MAP7: variants seen among roughly 807,000 people sequenced by gnomAD.
The protein encoded by MAP7 is ensconsin.
A neutral mutation model predicts 94.8 loss-of-function variants in MAP7; 52 were observed. That is an observed-to-expected ratio of 0.55 (90% CI 0.44 to 0.69). MAP7 has a LOEUF of 0.69. MAP7 is among the 30% of genes least tolerant of loss of function. The probability of loss-of-function intolerance (pLI) is 0.00; values close to 1 mark genes in which losing one functional copy is unlikely to be tolerated. For synonymous variants in MAP7, 350 were observed against 357.0 expected (o/e 0.98, Z 0.22); for missense variants, 940 against 964.6 (o/e 0.97, Z 0.34).
intron 1 of MAP7, among the ~76,000 whole-genome samples, chr6:136,515,297 A>C (rs1326343619): frequency 1.3e-5 from 2 of 152,230 alleles, no homozygotes; most frequent in African/African-American, 4.8e-5. Context: ...TTGATCTTCT[A>C]TCCAGACCAC....
At chr6:136,457,296 T>G (rs1803615724) in intron 1 of MAP7, among the ~76,000 whole-genome samples, 1 of 150,906 alleles carries the variant, frequency 6.6e-6, no homozygotes, top group Non-Finnish European at 1.5e-5. Context: ...GTAAAGAGAT[T>G]GAATCAGGAA....
chr6:136,469,388 C>CTCTCTTTT (rs1808227797), intron 1 of MAP7, among the ~76,000 whole-genome samples: 1 of 148,580 alleles, frequency 6.7e-6, no homozygotes, highest in South Asian at 2.2e-4. Context: ...CTCTCTCTTT[C>CTCTCTTTT]TCTCTTTTTC....
intron 3 of MAP7, among the ~76,000 whole-genome samples, chr6:136,401,068 G>C (rs1783927324): frequency 6.6e-6 from 1 of 152,178 alleles, no homozygotes; most frequent in African/African-American, 2.4e-5. Flanking sequence ...TGATCTCTCA[G>C]CTGGGTGCAG....
At chr6:136,433,826 T>C (rs1031052265) in intron 1 of MAP7, among the ~76,000 whole-genome samples, 1 of 152,238 alleles carries the variant, frequency 6.6e-6, no homozygotes, top group Non-Finnish European at 1.5e-5. Flanking sequence ...GAACACTTCC[T>C]GGCCAACTCC....
rs556411089 is a variant in MAP7, at chr6:136,362,577, C to T, written c.1399G>A (p.Val467Ile). ...PSSTVNASASVKTSAGTTDPE... is the reference protein window; with the variant it reads ...PSSTVNASASIKTSAGTTDPE... ...TCGGTGGTGCCTGCAGAAGTCTTAA[C>T]AGAAGCACTGGCATTCACAGTGGAT... Residue 467 changes from valine (V) to isoleucine (I), a missense_variant, in exon 11 of 18, where the codon GTT becomes ATT. Coordinates refer to ENST00000354570, the MANE Select transcript of MAP7 (RefSeq NM_003980.6). 6.2e-7 allele frequency: 1 copy of T among 1,614,116 alleles called. No homozygotes were observed. Among genetic ancestry groups the T allele is most frequent in the South Asian group, 1.1e-5 (1 of 91,066 alleles).
intron 1 of MAP7, among the ~76,000 whole-genome samples, chr6:136,514,691 CTT>C (rs369003508): frequency 1.3e-5 from 2 of 148,938 alleles, no homozygotes; most frequent in African/African-American, 4.9e-5. Flanking sequence ...TGAAAGAAAA[CTT>C]TTTTTCTGAG....
chr6:136,441,018 G>A (rs1797709305), intron 1 of MAP7, among the ~76,000 whole-genome samples: 2 of 152,080 alleles, frequency 1.3e-5, no homozygotes, highest in African/African-American at 4.8e-5. Flanking sequence ...CTAAATGACA[G>A]GATTTTCTTA....
chr6:136,382,254 T>C (rs1371519129), intron 6 of MAP7, among the ~76,000 whole-genome samples: 1 of 152,172 alleles, frequency 6.6e-6, no homozygotes, highest in Non-Finnish European at 1.5e-5. Flanking sequence ...CCAAGTTTGT[T>C]GTCTAGCTCC....
chr6:136,358,757 C>T (rs1263178744), intron 15 of MAP7, among the ~76,000 whole-genome samples: 1 of 152,138 alleles, frequency 6.6e-6, no homozygotes, highest in Non-Finnish European at 1.5e-5. Context: ...ATTGATATCA[C>T]ACATGAGGAA....
At chr6:136,349,029 G>A (rs945232871) in intron 16 of MAP7, among the ~76,000 whole-genome samples, 2 of 152,138 alleles carry the variant, frequency 1.3e-5, no homozygotes, top group Admixed American at 1.3e-4. Context: ...AGAATGACCT[G>A]AGAAACTGCA....
intron 1 of MAP7, among the ~76,000 whole-genome samples, chr6:136,495,477 CACACACAT>C (rs1436138044): frequency 6.6e-6 from 1 of 151,810 alleles, no homozygotes; most frequent in Non-Finnish European, 1.5e-5. Context: ...CACACACACA[CACACACAT>C]AAACACACAC....
chr6:136,387,899 AAATAGCTTAGTCAT>A (rs1332805830), intron 5 of MAP7, among the ~76,000 whole-genome samples: 2 of 152,230 alleles, frequency 1.3e-5, no homozygotes, highest in African/African-American at 4.8e-5. Flanking sequence ...AGAAAGGAGG[AAATAGCTTAGTCAT>A]TTACTATTTC....
chr6:136,499,587 G>A (rs948865354), intron 1 of MAP7, among the ~76,000 whole-genome samples: 2 of 152,096 alleles, frequency 1.3e-5, no homozygotes, highest in African/African-American at 4.8e-5. Flanking sequence ...AGCTAAGACA[G>A]GGGTCAACAA....
intron 1 of MAP7, among the ~76,000 whole-genome samples, chr6:136,426,231 T>TA (rs1793099136): frequency 6.6e-6 from 1 of 152,206 alleles, no homozygotes; most frequent in Admixed American, 6.5e-5. Context: ...GCCAACCCCC[T>TA]AATGTCAGTC....
In MAP7 at chr6:136,364,621, G is replaced by A. The variant is rs531616693; in HGVS notation, c.1273+1114C>T. 508 of 198,320 alleles carry A rather than the reference G, an allele frequency of 2.6e-3. 3 individuals carry two copies. Among genetic ancestry groups the A allele is most frequent in the African/African-American group, 0.011 (468 of 42,112 alleles). The allele number at this position is 198,320 out of a possible 1,614,324, so 12.3% of individuals were successfully genotyped here. A position where few individuals can be genotyped will look rare whatever the true frequency, so the allele number is the denominator to read the frequency against. The stretch of plus-strand genomic sequence containing the variant: ...GAATGTGGCAGAAACATTGGTGTGC[G>A]ACTTCTGAGACTGGGTCATAAAATA... On this transcript the variant is annotated intron_variant, in intron 10 of 17. Coordinates refer to ENST00000354570, the MANE Select transcript of MAP7 (RefSeq NM_003980.6).
intron 16 of MAP7, among the ~76,000 whole-genome samples, chr6:136,353,952 G>C (rs759559632): frequency 6.6e-6 from 1 of 152,082 alleles, no homozygotes; most frequent in Non-Finnish European, 1.5e-5. Context: ...TCAAGGGATA[G>C]AAGGGTAACA....
In MAP7 at chr6:136,360,731, T is replaced by G. The variant is rs765110689; in HGVS notation, c.1769A>C (p.Gln590Pro). The G allele has an allele frequency of 1.2e-5, 19 of 1,614,178 alleles. No homozygotes were observed. Among genetic ancestry groups the G allele is most frequent in the Non-Finnish European group, 1.4e-5 (17 of 1,180,028 alleles). ...RVRQEREKHF[Q>P]REEQERLERK... is the part of the protein sequence containing the mutation. ...CTCCAGGCGCTCTTGCTCTTCTCTCTGGAAATGCTTCTCTCGTTCCTGCCG... is the reference window on the plus strand; with the variant it reads ...CTCCAGGCGCTCTTGCTCTTCTCTCGGGAAATGCTTCTCTCGTTCCTGCCG... Residue 590 changes from glutamine (Q) to proline (P), a missense_variant, in exon 13 of 18, where the codon CAG (glutamine) becomes CCG (proline). Physicochemically the swap from Gln to Pro is moderately conservative, Grantham distance 76. Coordinates refer to ENST00000354570, the MANE Select transcript of MAP7 (RefSeq NM_003980.6).
intron 7 of MAP7, among the ~76,000 whole-genome samples, chr6:136,373,973 C>T (rs1775328093): frequency 1.3e-5 from 2 of 152,166 alleles, no homozygotes; most frequent in Non-Finnish European, 2.9e-5. Flanking sequence ...TGGTTTTGTT[C>T]TGCTTTGAGA....
chr6:136,422,869 G>C (rs1791818650), intron 1 of MAP7, among the ~76,000 whole-genome samples: 1 of 152,116 alleles, frequency 6.6e-6, no homozygotes, highest in Admixed American at 6.6e-5. Flanking sequence ...AATGGTTTAA[G>C]AGTCTGTATT....
Sources: allele counts gnomAD v4.1 joint callset (sites outside exome capture counted in the v4.1 genomes callset), GRCh38; gene constraint gnomAD v4.1.1; transcripts MANE v1.5; gene names NCBI Gene and HGNC (gene_info 2026-07-23, HGNC 2026-07-21).